The following DNAH6 variants were observed in gnomAD, a reference collection of about 807,000 sequenced individuals.
DNAH6 encodes the protein dynein axonemal heavy chain 6.
In DNAH6, 340 loss-of-function variants were observed where a neutral mutation model predicts 491.4. The observed-to-expected ratio is 0.69, with a 90% CI of 0.63 to 0.76. The LOEUF is 0.76. DNAH6 is among the 30% of genes least tolerant of loss of function. The probability of loss-of-function intolerance (pLI) is 0.00; values close to 1 mark genes in which losing one functional copy is unlikely to be tolerated. For synonymous variants in DNAH6, 1,603 were observed against 1,686.1 expected (o/e 0.95, Z 1.21); for missense variants, 4,443 against 4,972.2 (o/e 0.89, Z 3.20).
the DNAH6 span, among the ~76,000 whole-genome samples, chr2:84,464,233 T>C: frequency 6.6e-6 from 1 of 152,234 alleles, no homozygotes; most frequent in Non-Finnish European, 1.5e-5. Context: ...CTCTGGGCTC[T>C]TCTCAGGCAT....
chr2:84,664,177 G>T (rs1003715444), intron 37 of DNAH6, among the ~76,000 whole-genome samples: 1 of 152,148 alleles, frequency 6.6e-6, no homozygotes, highest in Non-Finnish European at 1.5e-5. Flanking sequence ...AGGCTAGGAA[G>T]AAACTGCATC....
chr2:84,491,976 C>T, the DNAH6 span, among the ~76,000 whole-genome samples: 2 of 152,166 alleles, frequency 1.3e-5, no homozygotes, highest in South Asian at 2.1e-4. Flanking sequence ...GGTCAGATTC[C>T]GCCGAGAAGA....
At chr2:84,747,311 A>G (rs778226806) in intron 63 of DNAH6, among the ~76,000 whole-genome samples, 8 of 152,340 alleles carry the variant, frequency 5.3e-5, no homozygotes, top group Non-Finnish European at 1.0e-4. Flanking sequence ...TTTACTTCCA[A>G]GACACAATGA....
In DNAH6 at chr2:84,694,531, C is replaced by G; in HGVS notation, c.7524+51C>G. 2.2e-6 allele frequency: 3 copies of G among 1,335,954 alleles called. No individual in the cohort carries two copies. The Middle Eastern group carries it at 5.4e-4, about 241-fold the overall frequency. 82.8% of individuals were successfully genotyped at this position (1,335,954 alleles called of 1,614,324 possible). On this transcript the variant is annotated intron_variant, in intron 46 of 76. Transcript: ENST00000389394. ...GAGAACAGGAAATGTATGGGTGTTACAATCGGGTGTGTGCTTTGAACAGTT... is the reference window on the plus strand; with the variant it reads ...GAGAACAGGAAATGTATGGGTGTTAGAATCGGGTGTGTGCTTTGAACAGTT...
intron 4 of DNAH6, among the ~76,000 whole-genome samples, chr2:84,536,291 G>A (rs1394955102): frequency 6.6e-6 from 1 of 151,982 alleles, no homozygotes; most frequent in Non-Finnish European, 1.5e-5. Context: ...TACACACCTG[G>A]GTTACTTAAT....
At chr2:84,532,917 A>G (rs933475343) in intron 4 of DNAH6, among the ~76,000 whole-genome samples, 1 of 152,196 alleles carries the variant, frequency 6.6e-6, no homozygotes, top group African/African-American at 2.4e-5. Flanking sequence ...ACATCATTAT[A>G]AAGTGTGCTG....
chr2:84,818,483 TCAA>T (rs1680707041), intron 76 of DNAH6, among the ~76,000 whole-genome samples: 2 of 35,516 alleles, frequency 5.6e-5, no homozygotes, highest in Admixed American at 4.2e-4. Context: ...AGACCCTATC[TCAA>T]AAAAAAAAAA....
chr2:84,640,434 T>C lies in DNAH6; in HGVS notation c.4826T>C (p.Ile1609Thr). 1 of 1,483,398 alleles carries C rather than the reference T, an allele frequency of 6.7e-7. No homozygotes were observed. The highest frequency in any genetic ancestry group is 9.2e-7 in the Non-Finnish European group (1 of 1,085,644). 91.9% of individuals were successfully genotyped at this position (1,483,398 alleles called of 1,614,324 possible). Residue 1609 changes from isoleucine (I) to threonine (T), a missense_variant, in exon 32 of 77, where the codon ATT (isoleucine) becomes ACT (threonine). Around this residue, in one of 3 missense-constraint regions of DNAH6, gnomAD observed 2,977 missense variants for 3,296.6 expected, o/e 0.90. Coordinates refer to ENST00000389394, the MANE Select transcript of DNAH6 (RefSeq NM_001370.2). ...VPNYALIAEVILYSEGFESSK... is the reference protein window; with the variant it reads ...VPNYALIAEVTLYSEGFESSK... ...GCATTATTTTTTCTATTCTAGGTAA[T>C]TCTATATTCTGAAGGATTTGAATCC...
At chr2:84,672,556 A>G (rs371209401) in intron 40 of DNAH6, 72 bp downstream of exon 40, 2 of 1,376,924 alleles carry the variant, frequency 1.5e-6, no homozygotes. Flanking sequence ...ATAGTTTGTG[A>G]GACTACCATA....
At chr2:84,678,834 A>G (rs7590834) in intron 41 of DNAH6, among the ~76,000 whole-genome samples, 113,519 of 152,182 alleles carry the variant, frequency 0.75, 42,780 homozygotes, top group East Asian at 0.92. Flanking sequence ...TATGTGGCAA[A>G]ACTGAGAGAT....
intron 70 of DNAH6, among the ~76,000 whole-genome samples, chr2:84,804,884 T>C (rs1286143856): frequency 6.6e-6 from 1 of 152,176 alleles, no homozygotes; most frequent in Non-Finnish European, 1.5e-5. Context: ...GGGGAGATCA[T>C]AGTTCACCAC....
chr2:84,749,067 C>T (rs180963435), intron 63 of DNAH6, among the ~76,000 whole-genome samples: 11 of 152,254 alleles, frequency 7.2e-5, no homozygotes, highest in African/African-American at 2.2e-4. Context: ...GGGGAGAGCA[C>T]CAAGCCATTC....
chr2:84,657,168 C>G (rs888204396), intron 35 of DNAH6, among the ~76,000 whole-genome samples: 1 of 151,998 alleles, frequency 6.6e-6, no homozygotes, highest in African/African-American at 2.4e-5. Context: ...TCTGTGCTCT[C>G]CATTCTGTTC....
intron 64 of DNAH6, chr2:84,777,193 A>G (rs1019897831): frequency 4.2e-5 from 8 of 189,176 alleles, no homozygotes; most frequent in Admixed American, 3.8e-4. Context: ...ATGTATACAT[A>G]TGTAACAAAC....
rs1185818501 is a variant in DNAH6 at position 84,704,302 on chromosome 2, A to G, written c.8465A>G (p.Lys2822Arg). The change falls in exon 51 of 77, where the codon AAG (lysine) becomes AGG (arginine). Residue 2822 changes from lysine to arginine, a missense_variant and splice_region_variant. This residue lies in a region of DNAH6 where 1,463 missense variants were observed against 1,656.6 expected (regional missense o/e 0.88). Coordinates refer to ENST00000389394, the MANE Select transcript of DNAH6 (RefSeq NM_001370.2). ...MEAISILLNA[K>R]PDWPSAKQLL... is the part of the protein sequence containing the mutation. Reference sequence around the variant, plus strand: ...GCAATCTCCATTCTTTTGAATGCCAAGTGAGTAATTCAGAGTCATGTATTG... The same window carrying G: ...GCAATCTCCATTCTTTTGAATGCCAGGTGAGTAATTCAGAGTCATGTATTG... 1.0e-5 allele frequency: 16 copies of G among 1,546,626 alleles called. No homozygotes were observed. The highest frequency in any genetic ancestry group is 9.6e-6 in the Non-Finnish European group (11 of 1,142,538).
rs1407516332 is a variant in DNAH6, at chr2:84,547,494, G to T, written c.1068G>T (p.Val356=). 2 of 1,551,498 alleles carry T rather than the reference G, an allele frequency of 1.3e-6. No homozygotes were observed. Among genetic ancestry groups the T allele is most frequent in the Non-Finnish European group, 1.7e-6 (2 of 1,146,934 alleles). ...KAAQVIRLAE[V]TERLGEFRNE... is the part of the protein sequence containing the mutation. ...TGTACATATTCAACAATATCTAGGT[G>T]ACAGAACGCCTAGGAGAATTTCGAA... Residue 356 remains valine, a splice_region_variant and synonymous_variant, in exon 7 of 77, where the codon GTG becomes GTT. Transcript: ENST00000389394.
At chr2:84,798,693 C>A (rs1678573354) in intron 70 of DNAH6, among the ~76,000 whole-genome samples, 1 of 152,214 alleles carries the variant, frequency 6.6e-6, no homozygotes. Context: ...CCCAAGACCA[C>A]CTCTGAGGCC....
chr2:84,809,587 C>G (rs1345984719), intron 72 of DNAH6, among the ~76,000 whole-genome samples: 4 of 152,122 alleles, frequency 2.6e-5, no homozygotes, highest in Non-Finnish European at 5.9e-5. Context: ...GGGGTACAGA[C>G]TAAGCTGCTA....
At position 84,722,769 on chromosome 2, in the gene DNAH6, C is replaced by G. The variant is rs564297668; in HGVS notation, c.9937C>G (p.Pro3313Ala). The change falls in exon 60 of 77, where the codon CCT becomes GCT. Residue 3313 changes from proline (P) to alanine (A), a missense_variant. By Grantham distance (27) the Pro-to-Ala change is conservative. Transcript: ENST00000389394. ...FVIASLSEID[P>A]MYQYSLKYFK... ...CATTGCAAGCCTCTCAGAAATAGAT[C>G]CTATGTACCAGTACTCATTAAAATA... 4 of 1,531,342 alleles carry G rather than the reference C, an allele frequency of 2.6e-6. No individual in the cohort carries two copies. Among genetic ancestry groups the G allele is most frequent in the Admixed American group, 2.3e-5 (1 of 43,800 alleles). 94.9% of individuals were successfully genotyped at this position (1,531,342 alleles called of 1,614,324 possible). A position where few individuals can be genotyped will look rare whatever the true frequency, so the allele number is the denominator to read the frequency against.
Sources: allele counts gnomAD v4.1 joint callset (sites outside exome capture counted in the v4.1 genomes callset), GRCh38; gene constraint gnomAD v4.1.1; regional missense constraint gnomAD v4.1.1; transcripts MANE v1.5; gene names NCBI Gene and HGNC (gene_info 2026-07-23, HGNC 2026-07-21).